APOBEC1: variants seen among roughly 807,000 people sequenced by gnomAD.
APOBEC1 encodes the protein apolipoprotein B mRNA editing enzyme catalytic subunit 1.
In APOBEC1, 22 loss-of-function variants were observed where a neutral mutation model predicts 26.3. That is an observed-to-expected ratio of 0.84 (90% CI 0.60 to 1.19). APOBEC1 has a LOEUF of 1.19. Ranked by LOEUF, APOBEC1 falls within the 50% of genes most tolerant of loss-of-function variation. The pLI is 0.00. For missense variants in APOBEC1, 253 were observed against 289.0 expected, an observed-to-expected ratio of 0.88 and a Z score of 0.90; for synonymous variants, 77 against 95.3, an observed-to-expected ratio of 0.81 and a Z score of 1.12.
chr12:7,660,333 AG>A (rs58257496), intron 1 of APOBEC1, among the ~76,000 whole-genome samples: 7 of 52,758 alleles, frequency 1.3e-4, no homozygotes, highest in East Asian at 9.4e-4. Flanking sequence ...GAAGGAAGGA[AG>A]GGAAGGAAGG....
chr12:7,659,322 A>AAAAAATATATATAT (rs1555094633), intron 1 of APOBEC1, among the ~76,000 whole-genome samples: 1 of 46,292 alleles, frequency 2.2e-5, no homozygotes, highest in African/African-American at 1.3e-4. Context: ...AAAAAAAAAA[A>AAAAAATATATATAT]ATATATATAT....
rs781268169 is a variant in APOBEC1, at chr12:7,652,510, C to T, written c.370G>A (p.Asp124Asn). Residue 124 changes from aspartate to asparagine, a missense_variant, in exon 3 of 5, where the codon GAT becomes AAT. Transcript: ENST00000229304. ...CTGAGACCTTGCCGATTTTGTTGATCCATGTGCCAAAAAAGCCGAGCTACG... is the reference window on the plus strand; with the variant it reads ...CTGAGACCTTGCCGATTTTGTTGATTCATGTGCCAAAAAAGCCGAGCTACG... ...IYVARLFWHM[D>N]QQNRQGLRDL... 1 of 1,614,122 alleles carries T rather than the reference C, an allele frequency of 6.2e-7. No individual in the cohort carries two copies. The highest frequency in any genetic ancestry group is 1.7e-5 in the Admixed American group (1 of 60,012).
chr12:7,652,427 A>G lies in APOBEC1; in HGVS notation c.442+11T>C. 1 of 1,593,944 alleles carries G rather than the reference A, an allele frequency of 6.3e-7. No individual in the cohort carries two copies. Among genetic ancestry groups the G allele is most frequent in the South Asian group, 1.1e-5 (1 of 88,004 alleles). On this transcript the variant is annotated intron_variant, in intron 3 of 4. Coordinates refer to ENST00000229304, the MANE Select transcript of APOBEC1 (RefSeq NM_001644.5). ...TGTAAACAATGAAGTTTCTTTGTTT[A>G]CTGTTTTTACCTGATGCTCTCATAA... is the stretch of plus-strand genomic sequence containing the variant.
chr12:7,654,487 C>A, intron 2 of APOBEC1, 118 bp downstream of exon 2: 1 of 1,026,298 alleles, frequency 9.7e-7, no homozygotes, highest in South Asian at 1.3e-5. Context: ...TCCTCCTACT[C>A]CTGCCTCAGC....
chr12:7,664,584 A>T (rs1863866159), intron 1 of APOBEC1, among the ~76,000 whole-genome samples: 1 of 152,190 alleles, frequency 6.6e-6, no homozygotes, highest in African/African-American at 2.4e-5. Flanking sequence ...AATAGGATTC[A>T]ATCAACCTGG....
At chr12:7,665,701 TAATC>T (rs1264400102) in intron 1 of APOBEC1, among the ~76,000 whole-genome samples, 152 bp downstream of exon 1, 2 of 144,002 alleles carry the variant, frequency 1.4e-5, no homozygotes, top group Admixed American at 7.4e-5. Context: ...ACTAATATAT[TAATC>T]AATAATAGGG....
intron 1 of APOBEC1, among the ~76,000 whole-genome samples, chr12:7,657,648 T>C (rs796715377): frequency 4.6e-5 from 7 of 151,616 alleles, no homozygotes; most frequent in African/African-American, 1.7e-4. Context: ...CAAGGCAAGA[T>C]GGTCGCTTAA....
chr12:7,654,670 A>G, intron 1 of APOBEC1, 38 bp from the exon 2 acceptor site: 1 of 1,603,510 alleles, frequency 6.2e-7, no homozygotes, highest in Non-Finnish European at 8.5e-7. Context: ...ACAACACTCA[A>G]ATATCAAATG....
Position 7,649,502 on chromosome 12 carries a change from A to G in APOBEC1, c.*45T>C. ...AATGGCATTCACTCTTTAGTGGGTC[A>G]TCATTGCTTGTTCTTGAATCAGTAC... On this transcript the variant is annotated 3_prime_UTR_variant, in exon 5 of 5. Transcript: ENST00000229304. 6.3e-7 allele frequency: 1 copy of G among 1,592,528 alleles called. No homozygotes were observed. The highest frequency in any genetic ancestry group is 8.6e-7 in the Non-Finnish European group (1 of 1,166,246).
At chr12:7,660,364 G>GAA (rs1284100595) in intron 1 of APOBEC1, among the ~76,000 whole-genome samples, 5 of 75,266 alleles carry the variant, frequency 6.6e-5, no homozygotes, top group Non-Finnish European at 1.5e-4. Flanking sequence ...AGGAAGGAAG[G>GAA]AAGGAAGGAA....
At chr12:7,664,394 A>G (rs1863863627) in intron 1 of APOBEC1, among the ~76,000 whole-genome samples, 1 of 152,172 alleles carries the variant, frequency 6.6e-6, no homozygotes, top group Non-Finnish European at 1.5e-5. Flanking sequence ...TCCCTCTACC[A>G]TAAAGAAAAA....
At chr12:7,666,031 C>G (rs1044759383), upstream of APOBEC1, 26 of 776,596 alleles carry the variant, frequency 3.3e-5, no homozygotes, top group African/African-American at 4.1e-4. Flanking sequence ...TCTGTACAAA[C>G]AGGGGGCCGA....
rs778510452 is a variant in APOBEC1, at chr12:7,649,561, C to T, written c.697G>A (p.Val233Met). ...LLATGLIHPS[V>M]AWR ...AATCATCCTATTCATCTCCAAGCCA[C>T]AGAAGGATGTATCAGCCCTGTAGCT... Residue 233 changes from valine (V) to methionine (M), a missense_variant, in exon 5 of 5, where the codon GTG becomes ATG. Coordinates refer to ENST00000229304, the MANE Select transcript of APOBEC1 (RefSeq NM_001644.5). The T allele has an allele frequency of 1.9e-6, 3 of 1,614,114 alleles. No individual in the cohort carries two copies. The highest frequency in any genetic ancestry group is 2.5e-6 in the Non-Finnish European group (3 of 1,180,024).
intron 4 of APOBEC1, 146 bp from the exon 5 acceptor site, chr12:7,649,842 A>C (rs1182018562): frequency 4.6e-5 from 33 of 709,846 alleles, no homozygotes; most frequent in Non-Finnish European, 7.4e-5. Context: ...CTGGTTCTGG[A>C]CTCACTGCAT....
chr12:7,659,158 G>A (rs2136848324), intron 1 of APOBEC1, among the ~76,000 whole-genome samples: 1 of 148,880 alleles, frequency 6.7e-6, no homozygotes, highest in East Asian at 2.0e-4. Flanking sequence ...GCTGGGTGTG[G>A]TGGCGCATGC....
Position 7,649,580 on chromosome 12 carries a change from T to C in APOBEC1, c.678A>G (p.Thr226=). 1.2e-6 allele frequency: 2 copies of C among 1,614,198 alleles called. No individual in the cohort carries two copies. The highest frequency in any genetic ancestry group is 1.7e-6 in the Non-Finnish European group (2 of 1,180,036). ...QTIPPHILLA[T]GLIHPSVAWR ...AAGCCACAGAAGGATGTATCAGCCC[T>C]GTAGCTAAAAGGATGTGTGGCGGAA... Residue 226 remains threonine (T), a synonymous_variant, in exon 5 of 5, where the codon ACA becomes ACG. Transcript: ENST00000229304.
At chr12:7,658,468 C>T (rs911883186) in intron 1 of APOBEC1, among the ~76,000 whole-genome samples, 2 of 151,930 alleles carry the variant, frequency 1.3e-5, no homozygotes, top group Non-Finnish European at 2.9e-5. Flanking sequence ...TTGAGAAAGG[C>T]GATACAGGAA....
chr12:7,662,254 C>A (rs1166908823), intron 1 of APOBEC1, among the ~76,000 whole-genome samples: 1 of 148,706 alleles, frequency 6.7e-6, no homozygotes, highest in African/African-American at 2.5e-5. Flanking sequence ...CAGAGCAAGA[C>A]GTTGTCTTTA....
chr12:7,664,812 C>T lies in APOBEC1; in HGVS notation c.16+1045G>A, dbSNP rs973373924. ...GTCCCAGCTACCCAGGAAGGTGAGG[C>T]GGGAGGATCTCTTGAGCCCAGGAGG... On this transcript the variant is annotated intron_variant, in intron 1 of 4. Coordinates refer to ENST00000229304, the MANE Select transcript of APOBEC1 (RefSeq NM_001644.5). Among the ~76,000 whole-genome samples, 8 of 151,178 alleles carry T rather than the reference C, an allele frequency of 5.3e-5. No homozygotes were observed. In the South Asian group the frequency reaches 6.3e-4, roughly 12 times the overall value.
Sources: gnomAD v4.1 joint callset for allele counts (sites outside exome capture counted in the v4.1 genomes callset) on GRCh38, gnomAD v4.1.1 for gene constraint, MANE v1.5 for transcripts, NCBI Gene and HGNC (gene_info 2026-07-23, HGNC 2026-07-21) for gene names.